FBXO9: variants seen among roughly 807,000 people sequenced by gnomAD.
The protein encoded by FBXO9 is F-box protein 9.
In FBXO9, 43 loss-of-function variants were observed where a neutral mutation model predicts 63.7. The ratio of observed to expected loss-of-function variants is 0.67; its 90% confidence interval spans 0.53 to 0.87. The LOEUF is 0.87. FBXO9 is among the 40% of genes least tolerant of loss of function. FBXO9 has a pLI of 0.00. For synonymous variants in FBXO9, 156 were observed against 171.7 expected (o/e 0.91, Z 0.72); for missense variants, 442 against 533.2 (o/e 0.83, Z 1.68).
At chr6:53,097,694 C>A in intron 12 of FBXO9, 28 bp from the exon 13 acceptor site, 1 of 1,325,318 alleles carries the variant, frequency 7.5e-7, no homozygotes, top group Non-Finnish European at 1.1e-6. Flanking sequence ...TTTCCTCATA[C>A]TAGTAATTTT....
chr6:53,072,759 G>T (rs1768965759), intron 2 of FBXO9, among the ~76,000 whole-genome samples: 1 of 147,936 alleles, frequency 6.8e-6, no homozygotes, highest in South Asian at 2.2e-4. Context: ...TCGCTCCATT[G>T]CCCAGGCTGG....
In FBXO9 at chr6:53,092,444, G is replaced by C; in HGVS notation, c.669G>C (p.Trp223Cys). Residue 223 changes from tryptophan to cysteine, a missense_variant, in exon 8 of 13, where the codon TGG becomes TGC. Transcript: ENST00000323557. Reference sequence around the variant, plus strand: ...TATTCCCTAGAGACCCTGAAATATGGCGTCTGGCCTGCTTGAAAGTTTGGG... The same window carrying C: ...TATTCCCTAGAGACCCTGAAATATGCCGTCTGGCCTGCTTGAAAGTTTGGG... ...FYICARDPEI[W>C]RLACLKVWGR... The C allele has an allele frequency of 6.2e-7, 1 of 1,613,614 alleles. No individual in the cohort carries two copies. Among genetic ancestry groups the C allele is most frequent in the Non-Finnish European group, 8.5e-7 (1 of 1,179,600 alleles).
intron 1 of FBXO9, among the ~76,000 whole-genome samples, chr6:53,069,687 A>G (rs1229875846): frequency 6.6e-6 from 1 of 152,256 alleles, no homozygotes; most frequent in Non-Finnish European, 1.5e-5. Context: ...AATAAATTAC[A>G]AGAAAAAAGA....
rs1313946387 is a variant in FBXO9, at chr6:53,097,820, G to A, written c.1304G>A (p.Arg435Lys). 8.1e-6 allele frequency: 13 copies of A among 1,599,396 alleles called. No homozygotes were observed. Among genetic ancestry groups the A allele is most frequent in the Non-Finnish European group, 1.0e-5 (12 of 1,171,812 alleles). The change falls in exon 13 of 13, where the codon AGG becomes AAG. Residue 435 changes from arginine to lysine, a missense_variant. By Grantham distance (26) the Arg-to-Lys change is conservative. This residue lies in a region of FBXO9 where 262 missense variants were observed against 362.1 expected (regional missense o/e 0.72). Coordinates refer to ENST00000323557, the MANE Select transcript of FBXO9 (RefSeq NM_033480.3). ...AGGAGCTACACAGCTTTCTCAGAAA[G>A]GCCTCTGTAGAGCCTCAAGTCCAGT... The part of the protein sequence containing the change: ...RVRSYTAFSE[R>K]PL
intron 2 of FBXO9, among the ~76,000 whole-genome samples, chr6:53,072,816 G>C (rs1768968068): frequency 6.6e-6 from 1 of 151,974 alleles, no homozygotes; most frequent in African/African-American, 2.4e-5. Flanking sequence ...TGCCACCCGA[G>C]TTCAAGCAAT....
At chr6:53,075,989 C>T (rs940791830) in intron 3 of FBXO9, among the ~76,000 whole-genome samples, 1 of 151,916 alleles carries the variant, frequency 6.6e-6, no homozygotes, top group African/African-American at 2.4e-5. Context: ...GGTGATCTGC[C>T]GACCTCAGCC....
chr6:53,066,078 G>C (rs1768688223), intron 1 of FBXO9: 3 of 1,209,102 alleles, frequency 2.5e-6, no homozygotes, highest in Admixed American at 4.4e-5. Flanking sequence ...GTCCCTTCTC[G>C]GCTCACTGAG....
chr6:53,075,248 G>GC (rs1386899284), intron 3 of FBXO9, among the ~76,000 whole-genome samples: 1 of 151,656 alleles, frequency 6.6e-6, no homozygotes, highest in Non-Finnish European at 1.5e-5. Context: ...CGATTCTCGT[G>GC]CCTTGGCCTC....
chr6:53,093,458 T>C lies in FBXO9; in HGVS notation c.864-8T>C. On this transcript the variant is annotated splice_polypyrimidine_tract_variant and splice_region_variant and intron_variant, in intron 9 of 12. Transcript: ENST00000323557. ...GTGTGTTTTGGTCTTCCTTTTCTTA[T>C]TACATAGGTACATAAGATTCTTTCC... 1 of 1,606,916 alleles carries C rather than the reference T, an allele frequency of 6.2e-7. No individual in the cohort carries two copies. The highest frequency in any genetic ancestry group is 8.5e-7 in the Non-Finnish European group (1 of 1,173,942).
chr6:53,099,821 GC>G lies in FBXO9; in HGVS notation c.*1992del, dbSNP rs1562078989. ...TTCAAGTTGGAAAGGAAGGAGAAAA[GC>G]AACTTGCCTAAGATAAGGTAGCTCT... On this transcript the variant is annotated 3_prime_UTR_variant, in exon 13 of 13. Coordinates refer to ENST00000323557, the MANE Select transcript of FBXO9 (RefSeq NM_033480.3). 1.3e-5 allele frequency: 2 copies of G among 152,174 alleles called. No individual in the cohort carries two copies. The allele number at this position is 152,174 out of a possible 1,614,324, so 9.4% of individuals were successfully genotyped here.
intron 11 of FBXO9, among the ~76,000 whole-genome samples, chr6:53,094,302 T>C (rs1419052081): frequency 1.3e-5 from 2 of 152,098 alleles, no homozygotes; most frequent in Admixed American, 1.3e-4. Flanking sequence ...TCACAGGGGA[T>C]TTTTTTTCCT....
intron 7 of FBXO9, among the ~76,000 whole-genome samples, chr6:53,088,435 C>T (rs1175100148): frequency 6.6e-6 from 1 of 152,162 alleles, no homozygotes; most frequent in Admixed American, 6.5e-5. Context: ...AAGATGTAGT[C>T]AGCTGGAATC....
In FBXO9 at chr6:53,070,911, C is replaced by A. The variant is rs1768893182; in HGVS notation, c.4-146C>A. The A allele has an allele frequency of 6.1e-6, 8 of 1,307,910 alleles. No individual in the cohort carries two copies. In the East Asian group the frequency reaches 1.8e-4, roughly 29 times the overall value. The allele number at this position is 1,307,910 out of a possible 1,614,324, so 81.0% of individuals were successfully genotyped here. ...AAATTAATAGTAAGGTCTCAAGTGCCCCCTACAGCCTTGCTACTCAAAGTG... is the reference window on the plus strand; with the variant it reads ...AAATTAATAGTAAGGTCTCAAGTGCACCCTACAGCCTTGCTACTCAAAGTG... On this transcript the variant is annotated intron_variant, in intron 1 of 12. Transcript: ENST00000323557.
In FBXO9 at chr6:53,098,226, CAG is replaced by C. The variant is rs1562078093; in HGVS notation, c.*397_*398del. The C allele has an allele frequency of 6.1e-6, 2 of 326,268 alleles. No homozygotes were observed. Among genetic ancestry groups the C allele is most frequent in the Admixed American group, 3.0e-5 (1 of 33,898 alleles). The allele number at this position is 326,268 out of a possible 1,614,324, so 20.2% of individuals were successfully genotyped here. ...TGAGTATCCTAATATTTCAATGCAT[CAG>C]GGGAGCGCTCCACTGGATAAGCATT... is the stretch of plus-strand genomic sequence containing the variant. On this transcript the variant is annotated 3_prime_UTR_variant, in exon 13 of 13. Transcript: ENST00000323557.
Position 53,098,969 on chromosome 6 carries a change from C to T in FBXO9, c.*1139C>T, listed in dbSNP as rs1249608555. 1.3e-5 allele frequency: 2 copies of T among 152,112 alleles called. No individual in the cohort carries two copies. Among genetic ancestry groups the T allele is most frequent in the African/African-American group, 4.8e-5 (2 of 41,404 alleles). The allele number at this position is 152,112 out of a possible 1,614,324, so 9.4% of individuals were successfully genotyped here. On this transcript the variant is annotated 3_prime_UTR_variant, in exon 13 of 13. Transcript: ENST00000323557. ...TTCAGATTTGGTTTTGTTGTTTCAA[C>T]CATAGTTAGAGACAAATTCTCATGT...
At chr6:53,087,448 A>G (rs1762925798) in intron 7 of FBXO9, among the ~76,000 whole-genome samples, 1 of 152,104 alleles carries the variant, frequency 6.6e-6, no homozygotes. Context: ...AAAAGGTTGA[A>G]AGAGAGAGTT....
Position 53,076,474 on chromosome 6 carries a change from A to G in FBXO9, c.250-12A>G, listed in dbSNP as rs779145934. ...GCAGGTTTTCAAAAATTTTTACTTT[A>G]TATTTTTATAGGCTCGAGAACTCTT... On this transcript the variant is annotated splice_polypyrimidine_tract_variant and intron_variant, in intron 3 of 12. Transcript: ENST00000323557. 1.3e-6 allele frequency: 2 copies of G among 1,520,668 alleles called. No homozygotes were observed. Among genetic ancestry groups the G allele is most frequent in the Non-Finnish European group, 1.8e-6 (2 of 1,140,474 alleles). 94.2% of individuals were successfully genotyped at this position (1,520,668 alleles called of 1,614,324 possible). A position where few individuals can be genotyped will look rare whatever the true frequency, so the allele number is the denominator to read the frequency against.
chr6:53,094,578 G>A (rs1334198271), intron 11 of FBXO9: 1 of 185,976 alleles, frequency 5.4e-6, no homozygotes, highest in Non-Finnish European at 1.2e-5. Flanking sequence ...GAAGCCAGTT[G>A]TATGGTATTT....
At chr6:53,093,612 T>C (rs1055780960) in intron 10 of FBXO9, 51 bp downstream of exon 10, 7 of 1,369,032 alleles carry the variant, frequency 5.1e-6, no homozygotes, top group Non-Finnish European at 7.2e-6. Context: ...TTTTATATGG[T>C]TCCTTGCAGG....
Sources: gnomAD v4.1 joint callset for allele counts (sites outside exome capture counted in the v4.1 genomes callset) on GRCh38, gnomAD v4.1.1 for gene constraint, gnomAD v4.1.1 regional missense constraint, MANE v1.5 for transcripts, NCBI Gene and HGNC (gene_info 2026-07-23, HGNC 2026-07-21) for gene names.